Variants in PRSS41 observed in about 807,000 individuals in gnomAD.
PRSS41 encodes the protein protease, serine 41.
PRSS41 carries 37 observed loss-of-function variants against 28.8 expected under a neutral mutation model. The observed-to-expected ratio is 1.29, with a 90% CI of 0.99 to 1.69. The LOEUF is 1.69. Among genes scored for constraint, PRSS41 ranks in the 40% most tolerant of loss-of-function variants. PRSS41 has a pLI of 0.00. For synonymous variants in PRSS41, 195 were observed against 163.1 expected, an observed-to-expected ratio of 1.20 and a Z score of -1.49; for missense variants, 431 against 400.7, an observed-to-expected ratio of 1.08 and a Z score of -0.65.
chr16:2,802,331 A>T (rs867170961), intron 4 of PRSS41, among the ~76,000 whole-genome samples: 2 of 140,718 alleles, frequency 1.4e-5, no homozygotes, highest in African/African-American at 5.4e-5. Context: ...GATGGCGGCC[A>T]GGAAGAGGCG....
chr16:2,802,250 C>T lies in PRSS41; in HGVS notation c.542-2139C>T, dbSNP rs563531102. 9.4e-4 allele frequency among the ~76,000 whole-genome samples: 141 copies of T among 150,134 alleles called. 2 individuals are homozygous for T. The highest frequency in any genetic ancestry group is 8.6e-3 in the South Asian group (41 of 4,744). ...GCTCCTCACATCCCAGATGGGGCGG[C>T]GGGGCAGAGGCGCTCCCCACATCTC... On this transcript the variant is annotated intron_variant, in intron 4 of 5. Coordinates refer to ENST00000399677, the Ensembl canonical transcript of PRSS41.
intron 4 of PRSS41, among the ~76,000 whole-genome samples, chr16:2,803,391 T>C (rs780531437): frequency 4.6e-5 from 7 of 152,202 alleles, no homozygotes; most frequent in Non-Finnish European, 1.0e-4. Context: ...TATAATAACC[T>C]ACTTTGAATT....
chr16:2,801,995 C>A (rs1394797098), intron 4 of PRSS41, among the ~76,000 whole-genome samples: 1 of 145,424 alleles, frequency 6.9e-6, no homozygotes, highest in South Asian at 2.1e-4. Context: ...CCCTCCCGGA[C>A]GGGGCGGCTG....
intron 4 of PRSS41, among the ~76,000 whole-genome samples, chr16:2,801,053 G>T (rs1318806766): frequency 1.3e-5 from 2 of 152,120 alleles, no homozygotes; most frequent in Non-Finnish European, 2.9e-5. Flanking sequence ...TGGCTAGGCT[G>T]GTCTCGAACT....
At position 2,802,629 on chromosome 16, in the gene PRSS41, C is replaced by T. The variant is rs1233595483; in HGVS notation, c.542-1760C>T. On this transcript the variant is annotated intron_variant, in intron 4 of 5. Coordinates refer to ENST00000399677, the Ensembl canonical transcript of PRSS41. ...GTGAACCAGACTCCGTCTGCAATCC[C>T]GGCACCTCGGGAGGCCGAGGCTGGC... 3.9e-5 allele frequency among the ~76,000 whole-genome samples: 6 copies of T among 152,364 alleles called. No individual in the cohort carries two copies. In the East Asian group the frequency reaches 5.8e-4, roughly 15 times the overall value.
At chr16:2,798,710 G>A in intron 2 of PRSS41, 48 bp downstream of exon 2, 2 of 1,405,016 alleles carry the variant, frequency 1.4e-6, no homozygotes, top group Non-Finnish European at 9.3e-7. Flanking sequence ...CTGGGCCGGG[G>A]TGCACGGGGG....
intron 2 of PRSS41, 51 bp from the exon 3 acceptor site, chr16:2,798,908 G>GGCCCCCCCCCCCCCCCCCC: frequency 4.2e-6 from 6 of 1,415,392 alleles, no homozygotes; most frequent in East Asian, 2.6e-5. Flanking sequence ...GGGCGGGCCT[G>GGCCCCCCCCCCCCCCCCCC]CCCACCCCAC....
chr16:2,798,908 G>GGGCCCC, intron 2 of PRSS41, 51 bp from the exon 3 acceptor site: 15 of 1,415,392 alleles, frequency 1.1e-5, no homozygotes, highest in African/African-American at 1.5e-5. Context: ...GGGCGGGCCT[G>GGGCCCC]CCCACCCCAC....
intron 4 of PRSS41, 87 bp downstream of exon 4, chr16:2,799,656 A>C (rs1321683107): frequency 7.2e-7 from 1 of 1,394,436 alleles, no homozygotes; most frequent in Non-Finnish European, 9.7e-7. Flanking sequence ...CAAGCACAGC[A>C]GCCCCCTCCT....
At chr16:2,804,853 C>A in intron 5 of PRSS41, 61 bp from the exon 6 acceptor site, 1 of 1,315,020 alleles carries the variant, frequency 7.6e-7, no homozygotes, top group Non-Finnish European at 1.1e-6. Context: ...CTCCTGCTCT[C>A]ATGGCCTCTG....
chr16:2,799,775 C>A (rs1313250953), intron 4 of PRSS41, among the ~76,000 whole-genome samples: 1 of 152,262 alleles, frequency 6.6e-6, no homozygotes, highest in African/African-American at 2.4e-5. Context: ...AGTTCTTCCC[C>A]CTTCCAGGGA....
chr16:2,801,657 G>A (rs1027845817), intron 4 of PRSS41, among the ~76,000 whole-genome samples: 3 of 150,936 alleles, frequency 2.0e-5, no homozygotes, highest in African/African-American at 4.9e-5. Context: ...AGGGTTGGGG[G>A]TAAGGTCACA....
At chr16:2,804,272 T>C in intron 4 of PRSS41, 117 bp from the exon 5 acceptor site, 3 of 1,046,280 alleles carry the variant, frequency 2.9e-6, no homozygotes, top group East Asian at 2.6e-5. Flanking sequence ...ATGCTGGGTG[T>C]TGTGGGTGTG....
exon 3 of PRSS41, chr16:2,799,059 C>G (rs2068967669): frequency 6.5e-7 from 1 of 1,533,836 alleles, no homozygotes; most frequent in Non-Finnish European, 8.7e-7. Context: ...TGAGGAGACG[C>G]CACCGATGTG....
intron 4 of PRSS41, among the ~76,000 whole-genome samples, chr16:2,804,114 G>A (rs144567109): frequency 1.6e-4 from 24 of 152,214 alleles, no homozygotes; most frequent in South Asian, 6.2e-4. Flanking sequence ...AAATTTCTCC[G>A]CGGACTCAGG....
intron 4 of PRSS41, among the ~76,000 whole-genome samples, chr16:2,802,320 T>G (rs1237274357): frequency 2.8e-4 from 39 of 138,234 alleles, no homozygotes; most frequent in African/African-American, 9.0e-4. Flanking sequence ...TTCCTAGATG[T>G]GATGGCGGCC....
intron 4 of PRSS41, among the ~76,000 whole-genome samples, chr16:2,802,371 G>A (rs1291943745): frequency 6.6e-6 from 1 of 150,718 alleles, no homozygotes; most frequent in Non-Finnish European, 1.5e-5. Flanking sequence ...GATGGCGGCC[G>A]GGCGGAGACG....
At chr16:2,800,500 A>C (rs916559482) in intron 4 of PRSS41, among the ~76,000 whole-genome samples, 11 of 146,206 alleles carry the variant, frequency 7.5e-5, no homozygotes, top group African/African-American at 2.5e-4. Flanking sequence ...CCGAGATGGC[A>C]CCACTGCATT....
intron 4 of PRSS41, among the ~76,000 whole-genome samples, chr16:2,800,589 T>C (rs1204257082): frequency 2.0e-5 from 3 of 150,276 alleles, no homozygotes; most frequent in Admixed American, 6.6e-5. Context: ...ACCTGTGCCC[T>C]AGGCACTTAC....
Sources: allele counts gnomAD v4.1 joint callset (sites outside exome capture counted in the v4.1 genomes callset), GRCh38; gene constraint gnomAD v4.1.1; transcripts MANE v1.5; gene names NCBI Gene and HGNC (gene_info 2026-07-23, HGNC 2026-07-21).